Variants in GLIS3 observed in about 807,000 individuals in gnomAD.
GLIS3 encodes GLIS family zinc finger 3.
In GLIS3, 53 loss-of-function variants were observed where a neutral mutation model predicts 78.6. The observed-to-expected ratio is 0.67, with a 90% CI of 0.54 to 0.85. The LOEUF (loss-of-function observed/expected upper bound fraction) is 0.85. Ranked by LOEUF, GLIS3 falls within the 40% of genes least tolerant of loss-of-function variation. The pLI is 0.00. For synonymous variants in GLIS3, 684 were observed against 509.9 expected, an observed-to-expected ratio of 1.34 and a Z score of -4.60; for missense variants, 1,703 against 1,231.1, an observed-to-expected ratio of 1.38 and a Z score of -5.74.
the GLIS3 span, among the ~76,000 whole-genome samples, chr9:4,384,066 CTT>C: frequency 6.6e-6 from 1 of 152,204 alleles, no homozygotes; most frequent in African/African-American, 2.4e-5. Flanking sequence ...AGAGTAGTCT[CTT>C]TTATTTCCCA....
At chr9:4,161,402 T>C (rs1835464254) in intron 2 of GLIS3, among the ~76,000 whole-genome samples, 1 of 152,128 alleles carries the variant, frequency 6.6e-6, no homozygotes, top group African/African-American at 2.4e-5. Context: ...ACAATAAGAA[T>C]AAAAAGAATG....
intron 4 of GLIS3, among the ~76,000 whole-genome samples, chr9:4,104,829 A>T (rs993684738): frequency 3.3e-5 from 5 of 152,208 alleles, no homozygotes; most frequent in Admixed American, 6.5e-5. Context: ...AAGCTCCAGA[A>T]GGATGGGAGT....
chr9:4,086,837 C>T (rs1448774686), intron 4 of GLIS3, among the ~76,000 whole-genome samples: 1 of 152,176 alleles, frequency 6.6e-6, no homozygotes, highest in Admixed American at 6.5e-5. Context: ...CTCTTTTTCC[C>T]CTCAAGTCCC....
chr9:4,415,677 AC>A, the GLIS3 span, among the ~76,000 whole-genome samples: 3 of 152,192 alleles, frequency 2.0e-5, no homozygotes, highest in Admixed American at 6.5e-5. Flanking sequence ...CAATAGATTG[AC>A]CTTTTTGATG....
the GLIS3 span, among the ~76,000 whole-genome samples, chr9:4,453,345 CAAAAAAA>C: frequency 0.022 from 2,012 of 91,678 alleles, 55 homozygotes; most frequent in African/African-American, 0.07. Context: ...TTCTGCACAG[CAAAAAAA>C]AAAAAAAAAA....
At chr9:4,000,620 T>C (rs1347110307) in intron 4 of GLIS3, among the ~76,000 whole-genome samples, 1 of 152,200 alleles carries the variant, frequency 6.6e-6, no homozygotes, top group Non-Finnish European at 1.5e-5. Flanking sequence ...GTCCTCTGCC[T>C]AAAAGCTTCT....
chr9:4,228,557 A>T (rs1821983355), intron 2 of GLIS3, among the ~76,000 whole-genome samples: 1 of 152,254 alleles, frequency 6.6e-6, no homozygotes, highest in Non-Finnish European at 1.5e-5. Context: ...TCATTAGATG[A>T]AGCTGCAAAT....
chr9:4,297,434 G>GA (rs1246066001), intron 1 of GLIS3, among the ~76,000 whole-genome samples: 1 of 152,140 alleles, frequency 6.6e-6, no homozygotes, highest in Non-Finnish European at 1.5e-5. Context: ...GTCTCTCCTC[G>GA]AGATTCCCGG....
chr9:4,296,292 G>GA (rs201201304), intron 1 of GLIS3, among the ~76,000 whole-genome samples: 549 of 116,240 alleles, frequency 4.7e-3, no homozygotes, highest in Middle Eastern at 9.8e-3. Context: ...ACAGTCAGAG[G>GA]AAAAAAAAAA....
At chr9:4,257,294 AAT>A (rs1419017915) in intron 2 of GLIS3, among the ~76,000 whole-genome samples, 1 of 152,194 alleles carries the variant, frequency 6.6e-6, no homozygotes, top group Non-Finnish European at 1.5e-5. Context: ...TTAAAAATTG[AAT>A]ACAGTACATA....
At chr9:4,285,026 A>G (rs1278669714) in intron 2 of GLIS3, among the ~76,000 whole-genome samples, 9 of 152,174 alleles carry the variant, frequency 5.9e-5, no homozygotes, top group Non-Finnish European at 1.5e-5. Context: ...AGACTCTAAA[A>G]CAACTTTTTG....
At chr9:3,933,076 A>T (rs1825711609) in intron 5 of GLIS3, among the ~76,000 whole-genome samples, 1 of 152,170 alleles carries the variant, frequency 6.6e-6, no homozygotes, top group African/African-American at 2.4e-5. Flanking sequence ...GAGTTAAGTG[A>T]ATAAGCTCTT....
chr9:4,035,772 T>C (rs1182226528), intron 4 of GLIS3: 5 of 152,424 alleles, frequency 3.3e-5, no homozygotes, highest in Non-Finnish European at 5.9e-5. Flanking sequence ...ACCACATCGG[T>C]CTTCCTGTAC....
intron 2 of GLIS3, among the ~76,000 whole-genome samples, chr9:4,269,215 C>A (rs1826284702): frequency 6.6e-6 from 1 of 152,132 alleles, no homozygotes; most frequent in Non-Finnish European, 1.5e-5. Context: ...TCAATTCTTC[C>A]ACTTGAGATT....
intron 4 of GLIS3, among the ~76,000 whole-genome samples, chr9:3,969,196 G>A (rs1818187440): frequency 6.6e-6 from 1 of 152,150 alleles, no homozygotes; most frequent in Non-Finnish European, 1.5e-5. Flanking sequence ...GTTCGAAGAA[G>A]GTAAAACAGA....
intron 4 of GLIS3, among the ~76,000 whole-genome samples, chr9:3,971,942 T>A (rs1818410873): frequency 6.6e-6 from 1 of 152,146 alleles, no homozygotes; most frequent in Admixed American, 6.6e-5. Context: ...TGGCATGTGT[T>A]TGCTCTGGAG....
chr9:3,827,847 T>C lies in GLIS3; in HGVS notation c.*425A>G. ...GGCTTTGCATCAGGAGCAGCAAGGG[T>C]GAGGATTAGGTGAGGCAGGTCACTA... On this transcript the variant is annotated 3_prime_UTR_variant, in exon 11 of 11. Coordinates refer to ENST00000381971, the MANE Select transcript of GLIS3 (RefSeq NM_001042413.2). 7.5e-6 allele frequency: 2 copies of C among 266,126 alleles called. No individual in the cohort carries two copies. The highest frequency in any genetic ancestry group is 9.0e-5 in the South Asian group (2 of 22,208). 16.5% of individuals were successfully genotyped at this position (266,126 alleles called of 1,614,324 possible).
the GLIS3 span, among the ~76,000 whole-genome samples, chr9:4,366,575 C>A: frequency 1.8e-3 from 269 of 152,312 alleles, 1 homozygote; most frequent in Non-Finnish European, 2.8e-3. Flanking sequence ...ATTTTAAAAA[C>A]CATGAACCTT....
the GLIS3 span, among the ~76,000 whole-genome samples, chr9:4,406,567 A>C: frequency 6.6e-6 from 1 of 152,224 alleles, no homozygotes; most frequent in Admixed American, 6.5e-5. Context: ...TAAAGAGGCC[A>C]TCAAAAAACT....
Sources: gnomAD v4.1 joint callset for allele counts (sites outside exome capture counted in the v4.1 genomes callset) on GRCh38, gnomAD v4.1.1 for gene constraint, MANE v1.5 for transcripts, NCBI Gene and HGNC (gene_info 2026-07-23, HGNC 2026-07-21) for gene names.